Variants in NCALD observed in about 807,000 individuals in gnomAD.
The protein encoded by NCALD is neurocalcin delta, also known as neurocalcin-delta.
A neutral mutation model predicts 18.6 loss-of-function variants in NCALD; 10 were observed. The observed-to-expected ratio is 0.54, with a 90% CI of 0.33 to 0.91. The LOEUF (loss-of-function observed/expected upper bound fraction) is 0.91, where lower values mean the gene tolerates loss of function less well. Ranked by LOEUF, NCALD falls within the 40% of genes least tolerant of loss-of-function variation. The probability of loss-of-function intolerance (pLI) is 0.03; values close to 1 mark genes in which losing one functional copy is unlikely to be tolerated. For synonymous variants in NCALD, 88 were observed against 87.4 expected (o/e 1.01, Z -0.04); for missense variants, 184 against 247.6 (o/e 0.74, Z 1.72).
intron 3 of NCALD, among the ~76,000 whole-genome samples, chr8:101,907,794 C>T (rs532804858): frequency 1.3e-5 from 2 of 152,328 alleles, no homozygotes; most frequent in African/African-American, 2.4e-5. Flanking sequence ...ATTTGAGAAG[C>T]ATGTCTGGTA....
At chr8:101,835,235 C>A (rs1425740969) in intron 4 of NCALD, among the ~76,000 whole-genome samples, 1 of 152,246 alleles carries the variant, frequency 6.6e-6, no homozygotes. Context: ...ACTTGGCTTT[C>A]TATCTCAGGT....
intron 2 of NCALD, among the ~76,000 whole-genome samples, chr8:101,970,759 C>T (rs1280630507): frequency 6.6e-6 from 1 of 152,162 alleles, no homozygotes; most frequent in Admixed American, 6.5e-5. Context: ...AATCTGCCCC[C>T]TCACCCAATG....
At chr8:101,935,022 G>C (rs1258094669) in intron 2 of NCALD, among the ~76,000 whole-genome samples, 1 of 152,044 alleles carries the variant, frequency 6.6e-6, no homozygotes, top group Non-Finnish European at 1.5e-5. Flanking sequence ...ACTTGTCAAA[G>C]AAGTCTCAAA....
At chr8:101,965,487 C>A (rs1819989936) in intron 2 of NCALD, among the ~76,000 whole-genome samples, 1 of 152,054 alleles carries the variant, frequency 6.6e-6, no homozygotes, top group African/African-American at 2.4e-5. Context: ...TGCTGGAAAC[C>A]ATCATTCTCA....
chr8:101,784,825 A>G (rs150644927), intron 1 of NCALD, among the ~76,000 whole-genome samples: 4,170 of 152,238 alleles, frequency 0.027, 92 homozygotes, highest in Middle Eastern at 0.048. Flanking sequence ...TAATGTGGTA[A>G]TGGATTCAAT....
intron 1 of NCALD, among the ~76,000 whole-genome samples, chr8:101,740,302 G>T (rs1332447073): frequency 6.6e-6 from 1 of 152,222 alleles, no homozygotes; most frequent in Non-Finnish European, 1.5e-5. Flanking sequence ...GTCCCTTCTT[G>T]CATGAGTCCA....
intron 2 of NCALD, among the ~76,000 whole-genome samples, chr8:101,969,324 G>A (rs1820150239): frequency 1.3e-5 from 2 of 152,168 alleles, no homozygotes; most frequent in African/African-American, 4.8e-5. Context: ...TCACTACTCA[G>A]AATGGACCAA....
At chr8:101,892,506 G>A (rs949176819) in intron 3 of NCALD, among the ~76,000 whole-genome samples, 1 of 149,642 alleles carries the variant, frequency 6.7e-6, no homozygotes, top group East Asian at 1.9e-4. Flanking sequence ...GAACAAAGCT[G>A]GATGGAGAAT....
chr8:102,057,319 C>G (rs1651318236), intron 1 of NCALD, among the ~76,000 whole-genome samples: 1 of 151,200 alleles, frequency 6.6e-6, no homozygotes, highest in Admixed American at 6.6e-5. Context: ...TATTTCTCAT[C>G]AGTCTGACTC....
chr8:101,988,142 G>A (rs1820890066), intron 2 of NCALD, among the ~76,000 whole-genome samples: 2 of 124,920 alleles, frequency 1.6e-5, no homozygotes, highest in Admixed American at 9.9e-5. Context: ...GCGAAACAGC[G>A]AGACTCCGTC....
intron 2 of NCALD, among the ~76,000 whole-genome samples, chr8:101,715,154 G>C (rs918154973): frequency 1.3e-5 from 2 of 152,112 alleles, no homozygotes; most frequent in Non-Finnish European, 2.9e-5. Context: ...GAACAGAACA[G>C]AGGCCTCAAA....
At chr8:101,950,125 A>G (rs557249131) in intron 2 of NCALD, 1 of 152,534 alleles carries the variant, frequency 6.6e-6, no homozygotes, top group Admixed American at 6.5e-5. Flanking sequence ...CCCAAACCCC[A>G]CAAAAATGAC....
rs956847497 is a variant in NCALD at position 102,066,623 on chromosome 8, A to T, written c.-209-46334T>A. On this transcript the variant is annotated intron_variant, in intron 1 of 6. Coordinates refer to the NCALD transcript ENST00000311028. ...ATTTCCTTTCAAGACCTGCCCTTAG[A>T]GAAGAGAGGGAAAACCCGCAGCAAG... Among the ~76,000 whole-genome samples the T allele has an allele frequency of 1.6e-4, 25 of 152,174 alleles. 1 individual carries two copies. Among genetic ancestry groups the T allele is most frequent in the Admixed American group, 3.9e-4 (6 of 15,274 alleles).
At chr8:101,817,505 G>T (rs1051149477) in intron 4 of NCALD, among the ~76,000 whole-genome samples, 1 of 151,816 alleles carries the variant, frequency 6.6e-6, no homozygotes, top group Non-Finnish European at 1.5e-5. Context: ...ATTTCTGACA[G>T]CATAAATAAT....
chr8:101,733,943 T>G (rs1276400133), intron 1 of NCALD, among the ~76,000 whole-genome samples: 1 of 152,164 alleles, frequency 6.6e-6, no homozygotes, highest in Non-Finnish European at 1.5e-5. Context: ...TTTGTTGTCT[T>G]TTTTCCTGGG....
chr8:101,996,364 T>C (rs1296091880), intron 2 of NCALD, among the ~76,000 whole-genome samples: 1 of 152,190 alleles, frequency 6.6e-6, no homozygotes, highest in Non-Finnish European at 1.5e-5. Flanking sequence ...CTTCTACACA[T>C]CAAGTATAAT....
intron 1 of NCALD, among the ~76,000 whole-genome samples, chr8:101,727,467 T>C (rs984429437): frequency 1.3e-5 from 2 of 152,144 alleles, no homozygotes; most frequent in Non-Finnish European, 2.9e-5. Context: ...TTTTATAAAA[T>C]ATTTTCATTT....
Position 101,692,875 on chromosome 8 carries a change from A to C in NCALD, c.400T>G (p.Ser134Ala), listed in dbSNP as rs777795326. 8 of 1,613,664 alleles carry C rather than the reference A, an allele frequency of 5.0e-6. No homozygotes were observed. The South Asian group carries it at 7.7e-5, about 16-fold the overall frequency. The stretch of plus-strand genomic sequence containing the variant: ...TCATCTTCAGGCATTTTCATTACAG[A>C]GGAAACCATCTTATAGATTGCCTGG... ...IVQAIYKMVS[S>A]VMKMPEDEST... Residue 134 changes from serine (S) to alanine (A), a missense_variant, in exon 3 of 4, where the codon TCT becomes GCT. Ser to Ala is a moderately conservative substitution (Grantham distance 99, BLOSUM62 1). Transcript: ENST00000220931.
intron 2 of NCALD, among the ~76,000 whole-genome samples, chr8:101,956,079 A>G (rs545562227): frequency 2.0e-5 from 3 of 152,190 alleles, no homozygotes; most frequent in Admixed American, 6.5e-5. Flanking sequence ...TATTTGTACT[A>G]TTCTTGACAT....
Sources: gnomAD v4.1 joint callset for allele counts (sites outside exome capture counted in the v4.1 genomes callset) on GRCh38, gnomAD v4.1.1 for gene constraint, MANE v1.5 for transcripts, NCBI Gene and HGNC (gene_info 2026-07-23, HGNC 2026-07-21) for gene names.